The following CDC42SE2 variants were observed in gnomAD, a reference collection of about 807,000 sequenced individuals.
The protein encoded by CDC42SE2 is CDC42 small effector 2, also known as CDC42 small effector protein 2.
In CDC42SE2, 3 loss-of-function variants were observed where a neutral mutation model predicts 11.5. That is an observed-to-expected ratio of 0.26 (90% confidence interval 0.12 to 0.67). The LOEUF (loss-of-function observed/expected upper bound fraction) is 0.67. Ranked by LOEUF, CDC42SE2 falls within the 30% of genes least tolerant of loss-of-function variation. CDC42SE2 has a pLI of 0.80. For missense variants in CDC42SE2, 82 were observed against 106.8 expected (o/e 0.77, Z 1.02); for synonymous variants, 33 against 34.8 (o/e 0.95, Z 0.18).
chr5:131,267,072 T>C (rs1445425244), intron 1 of CDC42SE2, among the ~76,000 whole-genome samples: 1 of 150,396 alleles, frequency 6.6e-6, no homozygotes, highest in Non-Finnish European at 1.5e-5. Context: ...TTTTTTTTTT[T>C]TGAAACGGAG....
upstream of CDC42SE2, among the ~76,000 whole-genome samples, chr5:131,244,688 G>A (rs1190601885): frequency 6.6e-6 from 1 of 152,104 alleles, no homozygotes; most frequent in East Asian, 1.9e-4. Flanking sequence ...CGCAGCCTGG[G>A]CAACAGAGTG....
chr5:131,342,246 C>T (rs1457778999), intron 2 of CDC42SE2, among the ~76,000 whole-genome samples: 2 of 141,614 alleles, frequency 1.4e-5, no homozygotes, highest in African/African-American at 5.3e-5. Context: ...TGCCACTGCA[C>T]TCCAGCCTGG....
intron 1 of CDC42SE2, among the ~76,000 whole-genome samples, chr5:131,275,196 ATTTTGGGC>A (rs934575419): frequency 1.3e-5 from 2 of 151,820 alleles, no homozygotes; most frequent in African/African-American, 4.8e-5. Context: ...AAAAAAACCT[ATTTTGGGC>A]TTGCGCTATT....
At chr5:131,387,673 ACTATTTTTTTG>A (rs1750528400) in intron 4 of CDC42SE2, among the ~76,000 whole-genome samples, 1 of 152,174 alleles carries the variant, frequency 6.6e-6, no homozygotes, top group Non-Finnish European at 1.5e-5. Flanking sequence ...TCATTGGCTT[ACTATTTTTTTG>A]CTTCTCATAG....
At chr5:131,283,574 A>G (rs574267267) in intron 1 of CDC42SE2, among the ~76,000 whole-genome samples, 5 of 149,360 alleles carry the variant, frequency 3.3e-5, no homozygotes, top group African/African-American at 7.4e-5. Context: ...GCCCACTGCA[A>G]CCTCTGCCTC....
At chr5:131,376,720 C>T (rs1440523583) in intron 3 of CDC42SE2, among the ~76,000 whole-genome samples, 1 of 152,144 alleles carries the variant, frequency 6.6e-6, no homozygotes, top group African/African-American at 2.4e-5. Flanking sequence ...CTCAATGTAG[C>T]TCCCACTTAC....
chr5:131,279,077 A>C (rs1167944070), intron 1 of CDC42SE2, among the ~76,000 whole-genome samples: 1 of 151,926 alleles, frequency 6.6e-6, no homozygotes, highest in Non-Finnish European at 1.5e-5. Flanking sequence ...AAGCCACCAC[A>C]CCTGGTGAAT....
At chr5:131,216,514 A>AC in the CDC42SE2 span, among the ~76,000 whole-genome samples, 9 of 149,252 alleles carry the variant, frequency 6.0e-5, no homozygotes, top group South Asian at 1.5e-3. Context: ...AAAAAAAAAA[A>AC]AAAAAAAACA....
intron 1 of CDC42SE2, among the ~76,000 whole-genome samples, chr5:131,298,247 C>A (rs1369698506): frequency 6.6e-6 from 1 of 151,650 alleles, no homozygotes; most frequent in East Asian, 1.9e-4. Flanking sequence ...GGATTACAGG[C>A]AGGCACCACC....
At chr5:131,337,532 G>A (rs896216981) in intron 2 of CDC42SE2, among the ~76,000 whole-genome samples, 1 of 152,224 alleles carries the variant, frequency 6.6e-6, no homozygotes. Flanking sequence ...AGAGGTTATT[G>A]CTGTCTTTTG....
intron 1 of CDC42SE2, among the ~76,000 whole-genome samples, chr5:131,273,448 G>A (rs1042392424): frequency 3.3e-5 from 5 of 149,394 alleles, no homozygotes; most frequent in African/African-American, 4.9e-5. Context: ...GAGCCACTGC[G>A]CCCAGCCTTA....
chr5:131,317,573 T>A (rs1758066686), intron 2 of CDC42SE2, among the ~76,000 whole-genome samples: 1 of 151,888 alleles, frequency 6.6e-6, no homozygotes, highest in Non-Finnish European at 1.5e-5. Flanking sequence ...TCTTGGGCCA[T>A]AGGATGGATG....
chr5:131,220,884 C>CTTTT, the CDC42SE2 span, among the ~76,000 whole-genome samples: 30 of 129,032 alleles, frequency 2.3e-4, no homozygotes, highest in Middle Eastern at 4.3e-3. Flanking sequence ...CACCAGAAAC[C>CTTTT]TTTTTTTTTT....
chr5:131,300,939 A>G (rs527822113), intron 1 of CDC42SE2, among the ~76,000 whole-genome samples: 11 of 152,326 alleles, frequency 7.2e-5, no homozygotes, highest in Non-Finnish European at 1.3e-4. Flanking sequence ...GTAATAAGTA[A>G]ACACTTTATA....
intron 2 of CDC42SE2, among the ~76,000 whole-genome samples, chr5:131,346,692 G>T (rs1035256419): frequency 6.6e-6 from 1 of 152,130 alleles, no homozygotes; most frequent in Non-Finnish European, 1.5e-5. Flanking sequence ...CAAATCAACA[G>T]AATATACATT....
intron 2 of CDC42SE2, among the ~76,000 whole-genome samples, chr5:131,356,107 CTA>C (rs1348022155): frequency 1.3e-5 from 2 of 152,150 alleles, no homozygotes; most frequent in Non-Finnish European, 2.9e-5. Flanking sequence ...TCTTATGAAT[CTA>C]TGAGGTTGTT....
At chr5:131,303,158 A>C (rs971587593) in intron 1 of CDC42SE2, among the ~76,000 whole-genome samples, 1 of 152,216 alleles carries the variant, frequency 6.6e-6, no homozygotes, top group Non-Finnish European at 1.5e-5. Flanking sequence ...TGCAGTGCTA[A>C]TAGACATTGT....
At chr5:131,360,428 A>AT (rs916475478) in intron 3 of CDC42SE2, among the ~76,000 whole-genome samples, 5 of 151,596 alleles carry the variant, frequency 3.3e-5, no homozygotes, top group Non-Finnish European at 7.4e-5. Context: ...CCTCCTTTTC[A>AT]TTTTTTAAGG....
chr5:131,279,460 CCCT>C (rs1246922305), intron 1 of CDC42SE2, among the ~76,000 whole-genome samples: 2 of 145,834 alleles, frequency 1.4e-5, no homozygotes, highest in African/African-American at 5.1e-5. Flanking sequence ...CTCCCCCCCC[CCCT>C]TTCAGAATAA....
Sources: allele counts gnomAD v4.1 joint callset (sites outside exome capture counted in the v4.1 genomes callset), GRCh38; gene constraint gnomAD v4.1.1; transcripts MANE v1.5; gene names NCBI Gene and HGNC (gene_info 2026-07-23, HGNC 2026-07-21).